Variants in RIMS2 observed in about 807,000 individuals in gnomAD.
RIMS2 encodes the protein regulating synaptic membrane exocytosis protein 2.
RIMS2 carries 59 observed loss-of-function variants against 174.4 expected under a neutral mutation model. The ratio of observed to expected loss-of-function variants is 0.34; its 90% confidence interval spans 0.27 to 0.42. RIMS2 has a LOEUF of 0.42. Among genes scored for constraint, RIMS2 ranks in the 10% least tolerant of loss-of-function variants. The probability of loss-of-function intolerance (pLI) is 1.00; values close to 1 mark genes in which losing one functional copy is unlikely to be tolerated. For synonymous variants in RIMS2, 606 were observed against 572.5 expected (o/e 1.06, Z -0.84); for missense variants, 1,620 against 1,666.3 (o/e 0.97, Z 0.48).
intron 11 of RIMS2, among the ~76,000 whole-genome samples, chr8:103,928,175 C>CAT: frequency 6.6e-6 from 1 of 151,460 alleles, no homozygotes; most frequent in Non-Finnish European, 1.5e-5. Flanking sequence ...GTAGATTCTA[C>CAT]ATATATATGA....
intron 19 of RIMS2, among the ~76,000 whole-genome samples, chr8:104,044,683 A>G (rs1287824498): frequency 1.3e-5 from 2 of 151,748 alleles, no homozygotes; most frequent in Non-Finnish European, 3.0e-5. Context: ...TAAAATTGTA[A>G]TGGTAGCTAT....
At chr8:104,016,908 C>T (rs888410914) in intron 19 of RIMS2, among the ~76,000 whole-genome samples, 23 of 151,700 alleles carry the variant, frequency 1.5e-4, no homozygotes, top group Non-Finnish European at 5.9e-5. Flanking sequence ...TGTTTTTGTC[C>T]CTATAAAATT....
At chr8:103,644,019 G>T (rs1422320278) in intron 1 of RIMS2, among the ~76,000 whole-genome samples, 2 of 151,932 alleles carry the variant, frequency 1.3e-5, no homozygotes, top group African/African-American at 4.8e-5. Flanking sequence ...TTTCAAAATG[G>T]TTACTTTCCT....
chr8:104,093,526 C>T (rs374441699), intron 19 of RIMS2: 6 of 1,596,994 alleles, frequency 3.8e-6, no homozygotes, highest in South Asian at 2.2e-5. Context: ...ACTAAATCTT[C>T]GGACAGTGAT....
rs941273487 is a variant in RIMS2 at position 104,236,799 on chromosome 8, A to C, written c.3335-8117A>C. Among the ~76,000 whole-genome samples, 6 of 152,138 alleles carry C rather than the reference A, an allele frequency of 3.9e-5. No homozygotes were observed. The South Asian group carries it at 6.2e-4, about 16-fold the overall frequency. Reference sequence around the variant, plus strand: ...AAGAAGAGCGTAAGGAGACATGATGACTAAATGTAATGTGGTATCCTGGAT... The same window carrying C: ...AAGAAGAGCGTAAGGAGACATGATGCCTAAATGTAATGTGGTATCCTGGAT... On this transcript the variant is annotated intron_variant, in intron 19 of 23. Transcript: ENST00000504942.
At chr8:104,227,250 C>CTTTTTTTTTTT (rs2099194033) in intron 19 of RIMS2, among the ~76,000 whole-genome samples, 1 of 128,420 alleles carries the variant, frequency 7.8e-6, no homozygotes. Flanking sequence ...TGGGTGTATT[C>CTTTTTTTTTTT]CAGGTAGATG....
chr8:103,931,246 A>G lies in RIMS2; in HGVS notation c.2245-17A>G. 1 of 1,568,462 alleles carries G rather than the reference A, an allele frequency of 6.4e-7. No individual in the cohort carries two copies. The highest frequency in any genetic ancestry group is 8.7e-7 in the Non-Finnish European group (1 of 1,151,514). On this transcript the variant is annotated splice_polypyrimidine_tract_variant and intron_variant, in intron 11 of 23. Coordinates refer to ENST00000504942, the Ensembl canonical transcript of RIMS2. ...AGTAAATGTTTGAATTGATAAATGA[A>G]TATTTTTGCTTTTCAGATAAAACTA...
intron 13 of RIMS2, among the ~76,000 whole-genome samples, chr8:103,939,638 A>T (rs558433213): frequency 1.3e-5 from 2 of 152,354 alleles, no homozygotes; most frequent in East Asian, 3.9e-4. Flanking sequence ...TTCCTCAGAA[A>T]ATGGGATTTT....
chr8:104,097,425 A>G (rs2097781610), intron 19 of RIMS2, among the ~76,000 whole-genome samples: 1 of 152,204 alleles, frequency 6.6e-6, no homozygotes, highest in Admixed American at 6.5e-5. Context: ...GTTTGGCATC[A>G]TATCATTTCT....
At position 103,719,502 on chromosome 8, in the gene RIMS2, A is replaced by G. The variant is rs569252589; in HGVS notation, c.387+22206A>G. On this transcript the variant is annotated intron_variant, in intron 2 of 23. Transcript: ENST00000504942. ...CATCTGTATGTTTTTGCCTCTATACATGTTTTAAGAAGTAGGATAATTTAA... is the reference window on the plus strand; with the variant it reads ...CATCTGTATGTTTTTGCCTCTATACGTGTTTTAAGAAGTAGGATAATTTAA... Among the ~76,000 whole-genome samples, 6 of 152,330 alleles carry G rather than the reference A, an allele frequency of 3.9e-5. No homozygotes were observed. In the South Asian group the frequency reaches 8.3e-4, roughly 21 times the overall value.
exon 24 of RIMS2, chr8:104,251,703 A>G (rs2099359737): frequency 1.9e-6 from 3 of 1,608,300 alleles, no homozygotes; most frequent in Admixed American, 1.7e-5. Context: ...TGGTGATCGG[A>G]TGGTTCAAAC....
At chr8:104,002,058 A>G (rs1404204911) in intron 17 of RIMS2, among the ~76,000 whole-genome samples, 1 of 152,044 alleles carries the variant, frequency 6.6e-6, no homozygotes, top group African/African-American at 2.4e-5. Flanking sequence ...AGCAAGCTTT[A>G]CCTCCAATTC....
intron 15 of RIMS2, among the ~76,000 whole-genome samples, chr8:103,969,234 A>G (rs542613731): frequency 6.6e-6 from 1 of 151,748 alleles, no homozygotes; most frequent in South Asian, 2.1e-4. Flanking sequence ...TTGGTTCCTG[A>G]CATTAGTTTG....
At chr8:103,945,436 T>C (rs1412746679) in intron 14 of RIMS2, among the ~76,000 whole-genome samples, 5 of 152,114 alleles carry the variant, frequency 3.3e-5, no homozygotes, top group Admixed American at 6.5e-5. Context: ...CAAATCATTC[T>C]ATAAGGCCAG....
chr8:103,722,771 G>A (rs2097468966), intron 2 of RIMS2, among the ~76,000 whole-genome samples: 1 of 152,162 alleles, frequency 6.6e-6, no homozygotes, highest in African/African-American at 2.4e-5. Context: ...GATTTGCTGG[G>A]TCTTTCCAGG....
intron 1 of RIMS2, among the ~76,000 whole-genome samples, chr8:103,537,131 C>T (rs1035175763): frequency 6.6e-6 from 1 of 152,146 alleles, no homozygotes; most frequent in Non-Finnish European, 1.5e-5. Context: ...ATACTTAGCT[C>T]AACTTATTTT....
intron 14 of RIMS2, among the ~76,000 whole-genome samples, chr8:103,952,228 G>A (rs2085623582): frequency 6.6e-6 from 1 of 152,240 alleles, no homozygotes; most frequent in South Asian, 2.1e-4. Context: ...GAAGAGAGGA[G>A]CAGATCTCCC....
At chr8:103,999,388 T>C (rs2095286621) in intron 17 of RIMS2, among the ~76,000 whole-genome samples, 2 of 151,698 alleles carry the variant, frequency 1.3e-5, no homozygotes. Context: ...TGATAATGGT[T>C]ATTGCTATAT....
chr8:103,511,146 G>A (rs1315852185), intron 1 of RIMS2, among the ~76,000 whole-genome samples: 1 of 152,114 alleles, frequency 6.6e-6, no homozygotes, highest in Admixed American at 6.6e-5. Context: ...GAGTTAAAAT[G>A]TTTGTGTAAC....
Sources: allele counts gnomAD v4.1 joint callset (sites outside exome capture counted in the v4.1 genomes callset), GRCh38; gene constraint gnomAD v4.1.1; transcripts MANE v1.5; gene names NCBI Gene and HGNC (gene_info 2026-07-23, HGNC 2026-07-21).